Variants in PMPCA observed in about 807,000 individuals in gnomAD.
The protein encoded by PMPCA is peptidase, mitochondrial processing subunit alpha, also known as mitochondrial-processing peptidase subunit alpha.
Under a neutral mutation model 59.3 loss-of-function variants are expected in PMPCA, and 47 were observed. The ratio of observed to expected loss-of-function variants is 0.79; its 90% CI spans 0.63 to 1.01. The LOEUF is 1.01. Ranked by LOEUF, PMPCA falls within the 50% of genes least tolerant of loss-of-function variation. The pLI is 0.00. For synonymous variants in PMPCA, 338 were observed against 290.3 expected (o/e 1.16, Z -1.67); for missense variants, 726 against 704.5 (o/e 1.03, Z -0.34).
In PMPCA at chr9:136,423,502, T is replaced by G; in HGVS notation, c.*238T>G. ...GCAGGTGAAGTGCCCAGCGCTGGAG[T>G]GCAGCGTGCCACGAGGAGGGCGGTC... On this transcript the variant is annotated 3_prime_UTR_variant, in exon 13 of 13. Transcript: ENST00000371717. 4.0e-6 allele frequency: 2 copies of G among 499,106 alleles called. No homozygotes were observed. The highest frequency in any genetic ancestry group is 7.2e-6 in the Non-Finnish European group (2 of 277,962). The allele number at this position is 499,106 out of a possible 1,614,324, so 30.9% of individuals were successfully genotyped here. A position where few individuals can be genotyped will look rare whatever the true frequency, so the allele number is the denominator to read the frequency against.
chr9:136,416,005 A>G (rs1835262724), intron 5 of PMPCA: 4 of 527,412 alleles, frequency 7.6e-6, no homozygotes, highest in Non-Finnish European at 1.4e-5. Context: ...AGACAGGTCC[A>G]GTGTCTTCGG....
intron 4 of PMPCA, 128 bp downstream of exon 4, chr9:136,413,020 CCTGGATGGAGACTTGG>C: frequency 2.9e-6 from 2 of 688,998 alleles, no homozygotes; most frequent in Non-Finnish European, 5.2e-6. Flanking sequence ...GGAGCCCTGT[CCTGGATGGAGACTTGG>C]GTGGATGGCG....
chr9:136,423,277 G>T lies in PMPCA; in HGVS notation c.*13G>T, dbSNP rs1349781477. ...GCTCTTCCGGTAGAACCGCTCCCCG[G>T]CCTGACAGACCCAGGGAGCTGCAGC... On this transcript the variant is annotated 3_prime_UTR_variant, in exon 13 of 13. Transcript: ENST00000371717. 3 of 1,605,668 alleles carry T rather than the reference G, an allele frequency of 1.9e-6. No homozygotes were observed. Among genetic ancestry groups the T allele is most frequent in the Non-Finnish European group, 8.5e-7 (1 of 1,175,682 alleles).
chr9:136,418,065 G>C lies in PMPCA; in HGVS notation c.946G>C (p.Glu316Gln). The part of the protein sequence containing the change: ...NVSLGPTPIP[E>Q]LTHIMVGLES... The stretch of plus-strand genomic sequence containing the variant: ...CAGCCTGGGCCCGACCCCCATCCCC[G>C]AGCTCACGCACATCATGGTTGGACT... Residue 316 changes from glutamate to glutamine, a missense_variant, in exon 8 of 13, where the codon GAG becomes CAG. Glu to Gln is a conservative substitution (Grantham distance 29). Coordinates refer to ENST00000371717, the MANE Select transcript of PMPCA (RefSeq NM_015160.3). 1.2e-6 allele frequency: 2 copies of C among 1,613,958 alleles called. No homozygotes were observed. The highest frequency in any genetic ancestry group is 1.7e-6 in the Non-Finnish European group (2 of 1,179,826).
intron 6 of PMPCA, 114 bp downstream of exon 6, chr9:136,416,505 C>T (rs1222956559): frequency 2.6e-6 from 2 of 779,870 alleles, no homozygotes; most frequent in Non-Finnish European, 4.5e-6. Context: ...TGGATATATA[C>T]AGAACATTTT....
intron 6 of PMPCA, 172 bp downstream of exon 6, chr9:136,416,563 C>G (rs1363267352): frequency 7.5e-6 from 5 of 670,084 alleles, no homozygotes; most frequent in South Asian, 4.8e-5. Flanking sequence ...GCTGGTCTTG[C>G]ACTCCTGGGC....
At chr9:136,414,496 C>A in intron 4 of PMPCA, 57 bp from the exon 5 acceptor site, 1 of 1,173,146 alleles carries the variant, frequency 8.5e-7, no homozygotes, top group Non-Finnish European at 1.3e-6. Context: ...CGTCCCCTGG[C>A]TGTTAAGCAG....
chr9:136,422,060 G>A (rs1439749340), intron 12 of PMPCA, 84 bp downstream of exon 12: 18 of 1,549,546 alleles, frequency 1.2e-5, no homozygotes, highest in Non-Finnish European at 1.6e-5. Flanking sequence ...GCAGGCCGTG[G>A]TGGGCCTGTG....
rs537263547 is a variant in PMPCA, at chr9:136,423,687, C to T, written c.*423C>T. On this transcript the variant is annotated 3_prime_UTR_variant, in exon 13 of 13. Transcript: ENST00000371717. ...TGACAAGCAGGAGAAGGTAAGGGCC[C>T]GGTCAGCTCCAAGGAGCGCGCTCCA... 32 of 185,672 alleles carry T rather than the reference C, an allele frequency of 1.7e-4. No homozygotes were observed. The East Asian group carries it at 2.3e-3, about 13-fold the overall frequency. 11.5% of individuals were successfully genotyped at this position (185,672 alleles called of 1,614,324 possible).
Position 136,410,810 on chromosome 9 carries a change from C to A in PMPCA, c.71+71C>A, listed in dbSNP as rs776021017. 2.5e-5 allele frequency: 31 copies of A among 1,256,278 alleles called. No homozygotes were observed. In the Middle Eastern group the frequency reaches 1.2e-3, roughly 49 times the overall value. The allele number at this position is 1,256,278 out of a possible 1,614,324, so 77.8% of individuals were successfully genotyped here. Reference sequence around the variant, plus strand: ...CGAGTCTTTCTGGACGCTCCGTCTTCGGTTTCTACAGGTGACATGGCGCCC... The same window carrying A: ...CGAGTCTTTCTGGACGCTCCGTCTTAGGTTTCTACAGGTGACATGGCGCCC... On this transcript the variant is annotated intron_variant, in intron 1 of 12. Coordinates refer to ENST00000371717, the MANE Select transcript of PMPCA (RefSeq NM_015160.3).
chr9:136,421,798 G>A (rs1217008801), intron 11 of PMPCA, 34 bp from the exon 12 acceptor site: 3 of 1,552,700 alleles, frequency 1.9e-6, no homozygotes, highest in Non-Finnish European at 2.6e-6. Flanking sequence ...GCACGGGGCG[G>A]GTGTGTGCTC....
rs764345818 is a variant in PMPCA at position 136,421,824 on chromosome 9, G to A, written c.1264-8G>A. ...GTGTGTGCTCACCTGACTGGACCCTGGCCCCAGGTGGAGCTGGAACGAGCC... is the reference window on the plus strand; with the variant it reads ...GTGTGTGCTCACCTGACTGGACCCTAGCCCCAGGTGGAGCTGGAACGAGCC... On this transcript the variant is annotated splice_region_variant and splice_polypyrimidine_tract_variant and intron_variant, in intron 11 of 12. Coordinates refer to ENST00000371717, the MANE Select transcript of PMPCA (RefSeq NM_015160.3). 10 of 1,579,196 alleles carry A rather than the reference G, an allele frequency of 6.3e-6. No individual in the cohort carries two copies. Among genetic ancestry groups the A allele is most frequent in the Non-Finnish European group, 8.6e-6 (10 of 1,158,168 alleles).
In PMPCA at chr9:136,416,399, G is replaced by A; in HGVS notation, c.633+8G>A. ...ACCGAGATGATTCATGAAGTAAAATGTCAAACTCGAGAATGCCCCCGCATC... is the reference window on the plus strand; with the variant it reads ...ACCGAGATGATTCATGAAGTAAAATATCAAACTCGAGAATGCCCCCGCATC... On this transcript the variant is annotated splice_region_variant and intron_variant, in intron 6 of 12. Transcript: ENST00000371717. 6.3e-7 allele frequency: 1 copy of A among 1,599,062 alleles called. No individual in the cohort carries two copies.
chr9:136,423,166 C>T lies in PMPCA; in HGVS notation c.1480C>T (p.Leu494=), dbSNP rs1835509693. 6.2e-7 allele frequency: 1 copy of T among 1,613,802 alleles called. No individual in the cohort carries two copies. Among genetic ancestry groups the T allele is most frequent in the East Asian group, 2.2e-5 (1 of 44,884 alleles). ...MLRGKPAVAA[L]GDLTDLPTYE... Reference sequence around the variant, plus strand: ...CCGAGGGAAGCCGGCAGTGGCCGCCCTGGGTGACCTGACTGACCTGCCCAC... The same window carrying T: ...CCGAGGGAAGCCGGCAGTGGCCGCCTTGGGTGACCTGACTGACCTGCCCAC... Residue 494 remains leucine (L), a synonymous_variant, in exon 13 of 13, where the codon CTG becomes TTG. Coordinates refer to ENST00000371717, the MANE Select transcript of PMPCA (RefSeq NM_015160.3).
At chr9:136,415,324 A>G (rs148349051) in intron 5 of PMPCA, among the ~76,000 whole-genome samples, 14 of 152,356 alleles carry the variant, frequency 9.2e-5, no homozygotes, top group African/African-American at 3.4e-4. Context: ...CTGTGCCCTC[A>G]TCCCTGTGGG....
At chr9:136,422,537 G>A (rs1835487174) in intron 12 of PMPCA, 1 of 1,016,780 alleles carries the variant, frequency 9.8e-7, no homozygotes, top group Non-Finnish European at 1.2e-6. Flanking sequence ...TCACCTGTGG[G>A]CATCTCCTTT....
In PMPCA at chr9:136,419,255, G is replaced by GC. The variant is rs958041122; in HGVS notation, c.1263+150dup. On this transcript the variant is annotated intron_variant, in intron 11 of 12. Coordinates refer to ENST00000371717, the MANE Select transcript of PMPCA (RefSeq NM_015160.3). Reference sequence around the variant, plus strand: ...AGGGCAGGGCAGGGCGGCCAAGGAGGCACAGCCTGGGGCTGAGCTGCTCCA... The same window carrying GC: ...AGGGCAGGGCAGGGCGGCCAAGGAGGCCACAGCCTGGGGCTGAGCTGCTCCA... 5.1e-6 allele frequency: 4 copies of GC among 776,860 alleles called. No homozygotes were observed. In the Admixed American group the frequency reaches 5.7e-5, roughly 11 times the overall value. 48.1% of individuals were successfully genotyped at this position (776,860 alleles called of 1,614,324 possible). A position where few individuals can be genotyped will look rare whatever the true frequency, so the allele number is the denominator to read the frequency against.
intron 12 of PMPCA, chr9:136,422,796 T>G: frequency 1.7e-6 from 2 of 1,190,092 alleles, no homozygotes; most frequent in Middle Eastern, 3.6e-4. Context: ...CAGGCCGTCC[T>G]AAAGTGAGTT....
At chr9:136,418,243 C>T (rs1340567479) in intron 8 of PMPCA, 134 bp downstream of exon 8, 1 of 713,922 alleles carries the variant, frequency 1.4e-6, no homozygotes, top group Non-Finnish European at 2.5e-6. Context: ...GCCCTCTGTC[C>T]CTGGCATCCA....
Sources: gnomAD v4.1 joint callset for allele counts (sites outside exome capture counted in the v4.1 genomes callset) on GRCh38, gnomAD v4.1.1 for gene constraint, MANE v1.5 for transcripts, NCBI Gene and HGNC (gene_info 2026-07-23, HGNC 2026-07-21) for gene names.